CLCN5: variants seen among roughly 807,000 people sequenced by gnomAD.
CLCN5 encodes the protein Cl-/H+ antiporter 5, also known as H(+)/Cl(-) exchange transporter 5.
Under a neutral mutation model 54.0 loss-of-function variants are expected in CLCN5, and 17 were observed. That is an observed-to-expected ratio of 0.31 (90% CI 0.22 to 0.47). CLCN5 has a LOEUF of 0.47. Among genes scored for constraint, CLCN5 ranks in the 20% least tolerant of loss-of-function variants. The probability of loss-of-function intolerance (pLI) is 1.00; values close to 1 mark genes in which losing one functional copy is unlikely to be tolerated. For synonymous variants in CLCN5, 222 were observed against 233.0 expected (o/e 0.95, Z 0.43); for missense variants, 448 against 646.7 (o/e 0.69, Z 3.33).
intron 3 of CLCN5, among the ~76,000 whole-genome samples, chrX:50,006,597 C>T (rs1569538533): frequency 9.0e-6 from 1 of 111,651 alleles, no homozygotes; most frequent in Non-Finnish European, 1.9e-5. Flanking sequence ...AAAAGGGGAG[C>T]TTTTTCTTTC....
chrX:49,965,953 C>T (rs184858688), intron 3 of CLCN5, among the ~76,000 whole-genome samples: 2 of 111,765 alleles, frequency 1.8e-5, no homozygotes, highest in African/African-American at 6.5e-5. Flanking sequence ...TGAGATGAAC[C>T]CCACTGGGTC....
At chrX:49,971,272 ATATT>A (rs1266606047) in intron 3 of CLCN5, among the ~76,000 whole-genome samples, 1 of 103,625 alleles carries the variant, frequency 9.7e-6, no homozygotes, top group Non-Finnish European at 1.9e-5. Context: ...ATTTTTATAT[ATATT>A]ATTTATATAT....
At chrX:49,945,906 G>A (rs372017465) in intron 3 of CLCN5, among the ~76,000 whole-genome samples, 37 of 108,093 alleles carry the variant, frequency 3.4e-4, no homozygotes, top group African/African-American at 1.1e-3. Context: ...ACAGGCACAC[G>A]CTGCCACGCC....
At chrX:50,090,026 T>G (rs1934032754) in intron 12 of CLCN5, 90 bp from the exon 13 acceptor site, 1 of 991,576 alleles carries the variant, frequency 1.0e-6, no homozygotes, top group South Asian at 1.9e-5. Flanking sequence ...CCTCATTGTT[T>G]TTGGTAGGTC....
intron 3 of CLCN5, among the ~76,000 whole-genome samples, chrX:49,959,352 G>A (rs1433087749): frequency 2.7e-5 from 3 of 111,731 alleles, no homozygotes. Flanking sequence ...TTGCTTTCTC[G>A]GCATCCTAAA....
Position 50,090,867 on chromosome X carries a change from T to A in CLCN5, c.2341T>A (p.Cys781Ser). The change falls in exon 14 of 15, where the codon TGC (cysteine) becomes AGC (serine). Residue 781 changes from cysteine (C) to serine (S), a missense_variant. Cys to Ser is a moderately radical substitution (Grantham distance 112). This residue lies in a region of CLCN5 where 297 missense variants were observed against 470.4 expected (regional missense o/e 0.63). Coordinates refer to ENST00000376091, the MANE Select transcript of CLCN5 (RefSeq NM_001127898.4). The part of the protein sequence containing the change: ...DIFRKLGLRQ[C>S]LVTHNGRLLG... ...TTTCCGAAAGCTGGGACTGCGGCAG[T>A]GCCTGGTTACACACAACGGGTAAGA... The A allele has an allele frequency of 4.1e-6, 5 of 1,208,578 alleles. No homozygotes were observed. The highest frequency in any genetic ancestry group is 5.6e-6 in the Non-Finnish European group (5 of 892,738).
At chrX:50,036,898 C>G (rs1367648179) in intron 3 of CLCN5, among the ~76,000 whole-genome samples, 1 of 112,243 alleles carries the variant, frequency 8.9e-6, no homozygotes, top group Non-Finnish European at 1.9e-5. Context: ...CTCAGTTCTT[C>G]TCATCAGCTA....
chrX:50,072,155 T>A (rs1343033937), intron 5 of CLCN5, among the ~76,000 whole-genome samples: 4 of 111,985 alleles, frequency 3.6e-5, no homozygotes, highest in Non-Finnish European at 7.5e-5. Flanking sequence ...AACTATTTGC[T>A]GTGAGTCAAG....
chrX:50,015,567 A>G (rs374649954), intron 3 of CLCN5, among the ~76,000 whole-genome samples: 1 of 108,808 alleles, frequency 9.2e-6, no homozygotes, highest in Non-Finnish European at 1.9e-5. Flanking sequence ...GTTTCAGTCT[A>G]TCGCTCTCTC....
intron 3 of CLCN5, chrX:50,013,132 GTCTC>G (rs1236257325): frequency 6.8e-5 from 17 of 250,093 alleles, no homozygotes; most frequent in Non-Finnish European, 1.0e-4. Flanking sequence ...ATCTCAATCT[GTCTC>G]TCTCTCAATC....
intron 3 of CLCN5, among the ~76,000 whole-genome samples, chrX:49,943,764 C>A (rs1172077572): frequency 9.0e-6 from 1 of 111,451 alleles, no homozygotes; most frequent in Non-Finnish European, 1.9e-5. Flanking sequence ...TGGTCTATAT[C>A]TCTGTTTTGG....
chrX:50,018,150 A>T (rs1245182007), intron 3 of CLCN5, among the ~76,000 whole-genome samples: 3 of 111,444 alleles, frequency 2.7e-5, no homozygotes, highest in Non-Finnish European at 5.7e-5. Flanking sequence ...GTTTCATCTG[A>T]GTTTTGTAGT....
chrX:49,923,213 C>T (rs1463933828), intron 1 of CLCN5, among the ~76,000 whole-genome samples, 194 bp from the exon 2 acceptor site: 1 of 113,147 alleles, frequency 8.8e-6, no homozygotes, highest in African/African-American at 3.2e-5. Flanking sequence ...CTGGACTTGC[C>T]GCTGGTTTTG....
chrX:50,081,597 G>T, intron 8 of CLCN5, 44 bp from the exon 9 acceptor site: 1 of 1,089,780 alleles, frequency 9.2e-7, no homozygotes, highest in South Asian at 1.8e-5. Flanking sequence ...TAGCCTTGTT[G>T]ACTTCCTTAG....
chrX:49,944,335 T>G (rs1233333591), intron 3 of CLCN5, among the ~76,000 whole-genome samples: 1 of 111,652 alleles, frequency 9.0e-6, no homozygotes, highest in African/African-American at 3.3e-5. Flanking sequence ...AGATATACAA[T>G]CATATCATCT....
intron 3 of CLCN5, among the ~76,000 whole-genome samples, chrX:49,947,230 A>G (rs1283977229): frequency 2.7e-5 from 3 of 111,575 alleles, no homozygotes; most frequent in African/African-American, 9.8e-5. Context: ...TTTTTCATCT[A>G]CTTACAAAGA....
chrX:50,082,284 C>G (rs1477188645), intron 9 of CLCN5, among the ~76,000 whole-genome samples: 1 of 109,462 alleles, frequency 9.1e-6, no homozygotes, highest in Non-Finnish European at 1.9e-5. Flanking sequence ...TAGAAAATGT[C>G]TGGAAGGTGG....
intron 2 of CLCN5, chrX:49,923,761 G>C (rs782713945): frequency 8.0e-5 from 9 of 112,045 alleles, no homozygotes; most frequent in African/African-American, 2.9e-4. Flanking sequence ...TAGTTTTCTT[G>C]GACTTCGCGA....
Position 50,069,955 on chromosome X carries a change from T to C in CLCN5, c.240T>C (p.Gly80=). 1 of 1,208,682 alleles carries C rather than the reference T, an allele frequency of 8.3e-7. No individual in the cohort carries two copies. Among genetic ancestry groups the C allele is most frequent in the Non-Finnish European group, 1.1e-6 (1 of 892,961 alleles). Residue 80 remains glycine (G), a synonymous_variant, in exon 5 of 15, where the codon GGT becomes GGC. Coordinates refer to ENST00000376091, the MANE Select transcript of CLCN5 (RefSeq NM_001127898.4). ...IMDFLEEPIP[G]VGTYDDFNTI... ...ACTTCTTGGAGGAGCCAATCCCTGG[T>C]GTAGGGACCTATGATGATTTCAATA...
Sources: gnomAD v4.1 joint callset for allele counts (sites outside exome capture counted in the v4.1 genomes callset) on GRCh38, gnomAD v4.1.1 for gene constraint, gnomAD v4.1.1 regional missense constraint, MANE v1.5 for transcripts, NCBI Gene and HGNC (gene_info 2026-07-23, HGNC 2026-07-21) for gene names.